Variants in FHIT observed in about 807,000 individuals in gnomAD.
FHIT encodes fragile histidine triad diadenosine triphosphatase, also known as bis(5'-adenosyl)-triphosphatase.
In FHIT, 19 loss-of-function variants were observed where a neutral mutation model predicts 17.9. The observed-to-expected ratio is 1.06, with a 90% confidence interval of 0.74 to 1.56. The LOEUF is 1.56. Ranked by LOEUF, FHIT falls within the 40% of genes most tolerant of loss-of-function variation. The pLI is 0.00. For synonymous variants in FHIT, 81 were observed against 69.7 expected, an observed-to-expected ratio of 1.16 and a Z score of -0.81; for missense variants, 248 against 189.2, an observed-to-expected ratio of 1.31 and a Z score of -1.82.
At chr3:60,579,629 A>C (rs568790245) in intron 4 of FHIT, among the ~76,000 whole-genome samples, 1 of 152,190 alleles carries the variant, frequency 6.6e-6, no homozygotes, top group Non-Finnish European at 1.5e-5. Context: ...ACACACATAT[A>C]AATATATACA....
intron 5 of FHIT, among the ~76,000 whole-genome samples, chr3:60,342,324 C>T (rs1382545291): frequency 6.6e-6 from 1 of 152,212 alleles, no homozygotes; most frequent in Admixed American, 6.5e-5. Context: ...TTAAAAGTCA[C>T]TGAATAGACT....
intron 4 of FHIT, among the ~76,000 whole-genome samples, chr3:60,605,144 C>T (rs1337286845): frequency 6.6e-6 from 1 of 152,088 alleles, no homozygotes; most frequent in Non-Finnish European, 1.5e-5. Flanking sequence ...AGTTGATTTT[C>T]CCCAATACTA....
At chr3:60,728,303 G>A (rs2107980392) in intron 4 of FHIT, among the ~76,000 whole-genome samples, 1 of 152,168 alleles carries the variant, frequency 6.6e-6, no homozygotes, top group African/African-American at 2.4e-5. Flanking sequence ...AAACTAGTCT[G>A]GTTACTTCAT....
At chr3:60,441,724 T>TTATACA (rs1553772800) in intron 5 of FHIT, among the ~76,000 whole-genome samples, 2 of 63,014 alleles carry the variant, frequency 3.2e-5, no homozygotes, top group Non-Finnish European at 2.7e-5. Flanking sequence ...ATATATATAT[T>TTATACA]TGTATTTATA....
At chr3:61,146,090 C>A (rs144700881) in intron 2 of FHIT, among the ~76,000 whole-genome samples, 150 of 152,142 alleles carry the variant, frequency 9.9e-4, no homozygotes, top group African/African-American at 3.4e-3. Context: ...TGATCACTCT[C>A]CACAGGAAAG....
chr3:60,417,496 G>A (rs1233636085), intron 5 of FHIT, among the ~76,000 whole-genome samples: 1 of 152,122 alleles, frequency 6.6e-6, no homozygotes, highest in Non-Finnish European at 1.5e-5. Flanking sequence ...GCTGACAAAG[G>A]CATAGGCTTA....
At chr3:60,138,329 G>A (rs1699900626) in intron 5 of FHIT, among the ~76,000 whole-genome samples, 1 of 152,214 alleles carries the variant, frequency 6.6e-6, no homozygotes, top group South Asian at 2.1e-4. Flanking sequence ...TTATTTGGCT[G>A]TGACTGAGAA....
intron 3 of FHIT, among the ~76,000 whole-genome samples, chr3:61,022,595 A>G (rs2032505558): frequency 6.6e-6 from 1 of 152,260 alleles, no homozygotes; most frequent in Non-Finnish European, 1.5e-5. Flanking sequence ...AAAATCTTCA[A>G]TAAAATACTG....
intron 2 of FHIT, among the ~76,000 whole-genome samples, chr3:61,190,023 G>A (rs1248060811): frequency 2.6e-5 from 4 of 151,898 alleles, no homozygotes; most frequent in Non-Finnish European, 5.9e-5. Context: ...CATAGGCATG[G>A]GCAAGGACTT....
At chr3:60,626,649 G>C (rs1335788205) in intron 4 of FHIT, among the ~76,000 whole-genome samples, 1 of 151,892 alleles carries the variant, frequency 6.6e-6, no homozygotes, top group East Asian at 1.9e-4. Flanking sequence ...TTATAATAAA[G>C]TTTTTCTTCT....
At position 61,213,186 on chromosome 3, in the gene FHIT, T is replaced by C. The variant is rs1296621992; in HGVS notation, c.-212-12521A>G. 3.1e-4 allele frequency among the ~76,000 whole-genome samples: 47 copies of C among 152,186 alleles called. No individual in the cohort carries two copies. The East Asian group carries it at 4.1e-3, about 13-fold the overall frequency. ...ACTTTAAATGTAAATGGACTAAATG[T>C]TCCAATTAAAAGACACAGACTGGCA... On this transcript the variant is annotated intron_variant, in intron 1 of 9. Coordinates refer to ENST00000492590, the MANE Select transcript of FHIT (RefSeq NM_002012.4).
At chr3:60,634,663 G>A (rs1454594470) in intron 4 of FHIT, among the ~76,000 whole-genome samples, 1 of 152,194 alleles carries the variant, frequency 6.6e-6, no homozygotes, top group Non-Finnish European at 1.5e-5. Flanking sequence ...TGATGCTGCA[G>A]ACGAGCACCA....
intron 2 of FHIT, chr3:61,167,165 G>A (rs1357207649): frequency 1.3e-5 from 2 of 151,998 alleles, no homozygotes; most frequent in East Asian, 3.8e-4. Flanking sequence ...TTTAACATGA[G>A]AATTCGATAC....
At chr3:60,836,761 A>G (rs1039431268) in intron 3 of FHIT, among the ~76,000 whole-genome samples, 5 of 152,166 alleles carry the variant, frequency 3.3e-5, no homozygotes, top group Admixed American at 3.3e-4. Flanking sequence ...TTCCCGCCCA[A>G]AGCAATCACT....
chr3:61,152,612 T>C (rs2037426554), intron 2 of FHIT, among the ~76,000 whole-genome samples: 1 of 152,062 alleles, frequency 6.6e-6, no homozygotes, highest in Non-Finnish European at 1.5e-5. Flanking sequence ...GAGGTAGAGC[T>C]AGAGATGAGA....
intron 3 of FHIT, among the ~76,000 whole-genome samples, chr3:60,975,582 G>A (rs1441249367): frequency 6.6e-6 from 1 of 152,158 alleles, no homozygotes; most frequent in African/African-American, 2.4e-5. Context: ...TGGTTATGTA[G>A]AGTAAAATTT....
chr3:60,374,638 A>C (rs1208106244), intron 5 of FHIT, among the ~76,000 whole-genome samples: 3 of 150,972 alleles, frequency 2.0e-5, no homozygotes, highest in Non-Finnish European at 4.4e-5. Flanking sequence ...AAGCATTGAC[A>C]TTTATGTAGA....
chr3:59,784,932 T>A (rs1173481501), intron 8 of FHIT, among the ~76,000 whole-genome samples: 1 of 152,128 alleles, frequency 6.6e-6, no homozygotes, highest in African/African-American at 2.4e-5. Flanking sequence ...TGGCCCATAG[T>A]TCTGCAGGCT....
intron 4 of FHIT, among the ~76,000 whole-genome samples, chr3:60,775,111 A>G (rs1553724154): frequency 6.6e-6 from 1 of 152,230 alleles, no homozygotes; most frequent in Non-Finnish European, 1.5e-5. Context: ...TTTTTAAAAA[A>G]ACACATCTAA....
Sources: allele counts gnomAD v4.1 joint callset (sites outside exome capture counted in the v4.1 genomes callset), GRCh38; gene constraint gnomAD v4.1.1; transcripts MANE v1.5; gene names NCBI Gene and HGNC (gene_info 2026-07-23, HGNC 2026-07-21).